CYTH3: variants seen among roughly 807,000 people sequenced by gnomAD.
CYTH3 encodes the protein cytohesin-3.
In CYTH3, 23 loss-of-function variants were observed where a neutral mutation model predicts 55.1. The ratio of observed to expected loss-of-function variants is 0.42; its 90% confidence interval spans 0.30 to 0.59. The LOEUF (loss-of-function observed/expected upper bound fraction) is 0.59. Ranked by LOEUF, CYTH3 falls within the 20% of genes least tolerant of loss-of-function variation. The probability of loss-of-function intolerance (pLI) is 0.20; values close to 1 mark genes in which losing one functional copy is unlikely to be tolerated. For missense variants in CYTH3, 413 were observed against 524.8 expected (o/e 0.79, Z 2.08); for synonymous variants, 249 against 194.9 (o/e 1.28, Z -2.31).
chr7:6,179,722 C>T (rs1583749397), intron 4 of CYTH3, among the ~76,000 whole-genome samples: 1 of 105,032 alleles, frequency 9.5e-6, no homozygotes, highest in Non-Finnish European at 1.9e-5. Context: ...CCCCACACAC[C>T]ACACACACAC....
At position 6,259,848 on chromosome 7, in the gene CYTH3, A is replaced by C. The variant is rs1449965183; in HGVS notation, c.34+12626T>G. Among the ~76,000 whole-genome samples the C allele has an allele frequency of 5.2e-5, 4 of 77,116 alleles. 1 individual carries two copies. Among genetic ancestry groups the C allele is most frequent in the African/African-American group, 2.5e-4 (4 of 15,922 alleles). 50.6% of individuals were successfully genotyped at this position (77,116 alleles called of 152,430 possible). On this transcript the variant is annotated intron_variant, in intron 1 of 12. Coordinates refer to ENST00000350796, the MANE Select transcript of CYTH3 (RefSeq NM_004227.4). ...TATATATATATTTTTTTTTTTTTTT[A>C]AGACGGATTTTCGCTCTTGTTGCCC...
intron 1 of CYTH3, among the ~76,000 whole-genome samples, chr7:6,236,652 G>A (rs1382995354): frequency 6.6e-6 from 1 of 151,920 alleles, no homozygotes; most frequent in African/African-American, 2.4e-5. Flanking sequence ...TCCACCTTCT[G>A]GGTTCAAGCA....
rs1156784360 is a variant in CYTH3 at position 6,164,538 on chromosome 7, G to C, written c.*406C>G. The C allele has an allele frequency of 4.6e-6, 1 of 218,088 alleles. No homozygotes were observed. The highest frequency in any genetic ancestry group is 1.3e-4 in the East Asian group (1 of 7,740). 13.5% of individuals were successfully genotyped at this position (218,088 alleles called of 1,614,324 possible). On this transcript the variant is annotated 3_prime_UTR_variant, in exon 13 of 13. Coordinates refer to ENST00000350796, the MANE Select transcript of CYTH3 (RefSeq NM_004227.4). The stretch of plus-strand genomic sequence containing the variant: ...GCCCCGAGTGAATGCGTTTGGCATG[G>C]TACGAATGAGGCTCCCGTCTGTGGA...
chr7:6,248,675 G>A (rs753009705), intron 1 of CYTH3, among the ~76,000 whole-genome samples: 28 of 152,174 alleles, frequency 1.8e-4, no homozygotes, highest in Admixed American at 1.3e-3. Context: ...GCCACTCAGG[G>A]TCATCAGGCC....
chr7:6,264,262 CAA>C (rs1357319791), intron 1 of CYTH3, among the ~76,000 whole-genome samples: 1 of 150,842 alleles, frequency 6.6e-6, no homozygotes, highest in East Asian at 2.0e-4. Flanking sequence ...GAAAAAAAAA[CAA>C]AAAGGAGACC....
chr7:6,214,002 T>C (rs1264657964), intron 1 of CYTH3, among the ~76,000 whole-genome samples: 1 of 152,136 alleles, frequency 6.6e-6, no homozygotes, highest in African/African-American at 2.4e-5. Context: ...TCCCCTGACC[T>C]TGTAAGAGGA....
intron 1 of CYTH3, among the ~76,000 whole-genome samples, chr7:6,244,683 G>A (rs1447179448): frequency 6.6e-6 from 1 of 151,962 alleles, no homozygotes; most frequent in African/African-American, 2.4e-5. Context: ...CTAAATTATT[G>A]TTTTAAAATG....
chr7:6,185,821 C>G (rs1459494319), intron 4 of CYTH3, among the ~76,000 whole-genome samples: 1 of 152,112 alleles, frequency 6.6e-6, no homozygotes, highest in Non-Finnish European at 1.5e-5. Flanking sequence ...TGCACCTGCA[C>G]TTATGTGAGT....
At chr7:6,250,204 C>A (rs909052112) in intron 1 of CYTH3, among the ~76,000 whole-genome samples, 2 of 152,148 alleles carry the variant, frequency 1.3e-5, no homozygotes, top group African/African-American at 4.8e-5. Flanking sequence ...CACTATTGGT[C>A]TTCAGAGAGA....
At chr7:6,231,423 T>C (rs965042202) in intron 1 of CYTH3, among the ~76,000 whole-genome samples, 1 of 152,250 alleles carries the variant, frequency 6.6e-6, no homozygotes, top group Non-Finnish European at 1.5e-5. Context: ...GCTCAGATGA[T>C]GTCAAGACAG....
intron 1 of CYTH3, chr7:6,212,647 G>C (rs1784346587): frequency 1.3e-5 from 2 of 152,250 alleles, no homozygotes; most frequent in South Asian, 2.1e-4. Flanking sequence ...TTAAAGATTA[G>C]TCAAATGCAG....
chr7:6,197,780 G>A (rs1481348183), intron 1 of CYTH3, among the ~76,000 whole-genome samples: 1 of 152,078 alleles, frequency 6.6e-6, no homozygotes, highest in African/African-American at 2.4e-5. Flanking sequence ...AATTTTTCAT[G>A]TTAAAAAAAA....
intron 1 of CYTH3, among the ~76,000 whole-genome samples, chr7:6,223,327 G>T (rs1225103808): frequency 1.3e-5 from 2 of 152,216 alleles, no homozygotes; most frequent in Admixed American, 6.5e-5. Flanking sequence ...GTACCCAACA[G>T]CTCTGAAGAG....
intron 1 of CYTH3, among the ~76,000 whole-genome samples, chr7:6,250,668 C>T (rs1779938231): frequency 6.6e-6 from 1 of 152,112 alleles, no homozygotes; most frequent in South Asian, 2.1e-4. Flanking sequence ...TGAATGACTG[C>T]CAGGGGTTGC....
rs1179488853 is a variant in CYTH3, at chr7:6,170,275, A to T, written c.823+260T>A. 4.0e-6 allele frequency: 2 copies of T among 495,746 alleles called. No individual in the cohort carries two copies. The highest frequency in any genetic ancestry group is 7.1e-6 in the Non-Finnish European group (2 of 280,396). The allele number at this position is 495,746 out of a possible 1,614,324, so 30.7% of individuals were successfully genotyped here. ...AGGAAGCTGCCCTGGCTGGATCTGGATGCTAACTCAGCAGTTTTCTGGGAC... is the reference window on the plus strand; with the variant it reads ...AGGAAGCTGCCCTGGCTGGATCTGGTTGCTAACTCAGCAGTTTTCTGGGAC... On this transcript the variant is annotated intron_variant, in intron 9 of 12. Transcript: ENST00000350796. The surrounding 1 kb of genome is among the most constrained non-coding windows in gnomAD (Gnocchi z 7.8).
chr7:6,170,803 G>GCAGC lies in CYTH3; in HGVS notation c.711+23_711+26dup, dbSNP rs1267884380. 6.3e-7 allele frequency: 1 copy of GCAGC among 1,597,962 alleles called. No homozygotes were observed. The highest frequency in any genetic ancestry group is 1.3e-5 in the African/African-American group (1 of 74,670). The stretch of plus-strand genomic sequence containing the variant: ...TCACAGCGAAGAGATCCTGCAGACG[G>GCAGC]CAGCGGCCGCGGGCCGGGGAGCTCA... On this transcript the variant is annotated intron_variant, in intron 8 of 12. Transcript: ENST00000350796. This position sits in a 1 kb window ranked among gnomAD's most constrained non-coding sequence, Gnocchi z 7.8.
chr7:6,179,664 C>A (rs1427038631), intron 4 of CYTH3, among the ~76,000 whole-genome samples: 1 of 100,784 alleles, frequency 9.9e-6, no homozygotes. Flanking sequence ...CCACACACAC[C>A]CCACACACAC....
In CYTH3 at chr7:6,164,600, G is replaced by C. The variant is rs145835525; in HGVS notation, c.*344C>G. On this transcript the variant is annotated 3_prime_UTR_variant, in exon 13 of 13. Coordinates refer to ENST00000350796, the MANE Select transcript of CYTH3 (RefSeq NM_004227.4). ...GTCTGCTGTGGAGACAGCGGAAGCT[G>C]CTGTCCTGGCTTCTCCCCCTAGGGG... 1.0e-3 allele frequency: 335 copies of C among 335,906 alleles called. 3 individuals are homozygous for C. The highest frequency in any genetic ancestry group is 7.9e-3 in the Middle Eastern group (9 of 1,140). 20.8% of individuals were successfully genotyped at this position (335,906 alleles called of 1,614,324 possible).
intron 1 of CYTH3, among the ~76,000 whole-genome samples, chr7:6,191,357 A>G (rs1184996280): frequency 6.6e-6 from 1 of 152,190 alleles, no homozygotes; most frequent in Non-Finnish European, 1.5e-5. Context: ...CGACGAAAAT[A>G]TGATTCACAG....
Sources: allele counts gnomAD v4.1 joint callset (sites outside exome capture counted in the v4.1 genomes callset), GRCh38; gene constraint gnomAD v4.1.1; non-coding constraint Gnocchi (gnomAD v3.1); transcripts MANE v1.5; gene names NCBI Gene and HGNC (gene_info 2026-07-23, HGNC 2026-07-21).